CTCF: variants seen among roughly 807,000 people sequenced by gnomAD.
The protein encoded by CTCF is transcriptional repressor CTCF.
Under a neutral mutation model 72.3 loss-of-function variants are expected in CTCF, and 7 were observed. The ratio of observed to expected loss-of-function variants is 0.10; its 90% CI spans 0.06 to 0.18. CTCF has a LOEUF of 0.18. Among genes scored for constraint, CTCF ranks in the 10% least tolerant of loss-of-function variants. The pLI is 1.00. For missense variants in CTCF, 516 were observed against 949.1 expected, an observed-to-expected ratio of 0.54 and a Z score of 6.00; for synonymous variants, 374 against 315.8, an observed-to-expected ratio of 1.18 and a Z score of -1.95.
intron 10 of CTCF, among the ~76,000 whole-genome samples, chr16:67,631,150 G>GTTTTTT (rs1472086135): frequency 2.3e-5 from 3 of 132,534 alleles, no homozygotes; most frequent in Admixed American, 7.1e-5. Context: ...TTTGTTCTTT[G>GTTTTTT]TTTGTTTTTT....
At chr16:67,582,114 G>A (rs765897277) in intron 2 of CTCF, among the ~76,000 whole-genome samples, 2 of 152,106 alleles carry the variant, frequency 1.3e-5, no homozygotes, top group Non-Finnish European at 2.9e-5. Context: ...CAGCTACTGG[G>A]GAGGCTGAGG....
At chr16:67,608,982 CCACA>C (rs891267743) in intron 2 of CTCF, among the ~76,000 whole-genome samples, 1 of 152,156 alleles carries the variant, frequency 6.6e-6, no homozygotes, top group Non-Finnish European at 1.5e-5. Flanking sequence ...CTCAGGTGAT[CCACA>C]CACCTCAGCC....
chr16:67,608,758 C>T (rs1205917319), intron 2 of CTCF, among the ~76,000 whole-genome samples: 5 of 149,738 alleles, frequency 3.3e-5, no homozygotes, highest in South Asian at 2.1e-4. Context: ...TTTTTTGAGA[C>T]GGAGTTTCGT....
intron 4 of CTCF, chr16:67,612,345 A>G: frequency 5.4e-6 from 2 of 371,702 alleles, no homozygotes; most frequent in East Asian, 1.0e-4. Context: ...AAAAAAAAGA[A>G]GTCTCAGGCA....
intron 2 of CTCF, among the ~76,000 whole-genome samples, chr16:67,571,735 G>A (rs186601775): frequency 3.3e-5 from 5 of 152,252 alleles, no homozygotes; most frequent in Admixed American, 3.3e-4. Flanking sequence ...TGTTCTTGGG[G>A]AACCTGGTAT....
chr16:67,624,077 G>A lies in CTCF; in HGVS notation c.1358-2478G>A, dbSNP rs866455789. 3.8e-4 allele frequency among the ~76,000 whole-genome samples: 33 copies of A among 86,968 alleles called. 1 individual carries two copies. Among genetic ancestry groups the A allele is most frequent in the African/African-American group, 8.4e-4 (18 of 21,344 alleles). 57.1% of individuals were successfully genotyped at this position (86,968 alleles called of 152,430 possible). On this transcript the variant is annotated intron_variant, in intron 7 of 11. Transcript: ENST00000264010. Reference sequence around the variant, plus strand: ...AAAAAAAAAAAAATTATATATGTGTGTGTGTGTGTGTGTGTGTGTGTGTGT... The same window carrying A: ...AAAAAAAAAAAAATTATATATGTGTATGTGTGTGTGTGTGTGTGTGTGTGT...
At chr16:67,632,288 AG>A (rs1226595316) in intron 10 of CTCF, among the ~76,000 whole-genome samples, 1 of 152,158 alleles carries the variant, frequency 6.6e-6, no homozygotes, top group Non-Finnish European at 1.5e-5. Flanking sequence ...GTTCATCTCC[AG>A]GAAGACCAGC....
chr16:67,563,535 A>C (rs932200900), intron 1 of CTCF: 4 of 151,320 alleles, frequency 2.6e-5, no homozygotes, highest in African/African-American at 9.7e-5. Flanking sequence ...GCGCCCCCAA[A>C]CTCGCGCCCG....
At chr16:67,571,651 A>G (rs1346743623) in intron 2 of CTCF, among the ~76,000 whole-genome samples, 3 of 152,198 alleles carry the variant, frequency 2.0e-5, no homozygotes, top group East Asian at 3.8e-4. Context: ...TATTTTGACT[A>G]TTGGCAAATG....
intron 7 of CTCF, 78 bp from the exon 8 acceptor site, chr16:67,626,476 AT>A: frequency 1.0e-6 from 1 of 971,780 alleles, no homozygotes; most frequent in South Asian, 3.0e-5. Flanking sequence ...AAAAAAAAGA[AT>A]CGAGAAATGT....
In CTCF at chr16:67,612,328, C is replaced by G. The variant is rs1597714667; in HGVS notation, c.952+207C>G. The G allele has an allele frequency of 4.6e-5, 19 of 414,808 alleles. No individual in the cohort carries two copies. The South Asian group carries it at 7.9e-4, about 17-fold the overall frequency. The allele number at this position is 414,808 out of a possible 1,614,324, so 25.7% of individuals were successfully genotyped here. A position where few individuals can be genotyped will look rare whatever the true frequency, so the allele number is the denominator to read the frequency against. Reference sequence around the variant, plus strand: ...AAAATTTAATGAAAAATAACACCCTCTCTCTTAAAAAAAAGAAGTCTCAGG... The same window carrying G: ...AAAATTTAATGAAAAATAACACCCTGTCTCTTAAAAAAAAGAAGTCTCAGG... On this transcript the variant is annotated intron_variant, in intron 4 of 11. Transcript: ENST00000264010.
chr16:67,613,890 G>A (rs1227274860), intron 4 of CTCF, among the ~76,000 whole-genome samples: 10 of 152,272 alleles, frequency 6.6e-5, no homozygotes, highest in Admixed American at 5.9e-4. Context: ...AAGAGGTACA[G>A]TCTATCTGGT....
intron 2 of CTCF, among the ~76,000 whole-genome samples, chr16:67,604,610 G>T (rs59390502): frequency 0.042 from 6,377 of 151,964 alleles, 446 homozygotes; most frequent in African/African-American, 0.14. Context: ...CAAAGTGTTG[G>T]GATTACAGAC....
chr16:67,617,868 C>G (rs1295051217), intron 5 of CTCF, among the ~76,000 whole-genome samples: 4 of 152,054 alleles, frequency 2.6e-5, no homozygotes, highest in Admixed American at 2.6e-4. Flanking sequence ...AGCAAAAATT[C>G]TAAATGAAAT....
chr16:67,610,545 G>A (rs562564244), intron 2 of CTCF: 29 of 159,698 alleles, frequency 1.8e-4, no homozygotes, highest in Admixed American at 5.2e-4. Context: ...TAGTAGAGAC[G>A]GGGTTTCACC....
chr16:67,587,533 T>G (rs1294545619), intron 2 of CTCF, among the ~76,000 whole-genome samples: 3 of 151,916 alleles, frequency 2.0e-5, no homozygotes, highest in African/African-American at 7.3e-5. Context: ...CTGCAGGGTT[T>G]TTTTTTTTTC....
At chr16:67,624,143 GTGTATATA>G (rs1182592891) in intron 7 of CTCF, among the ~76,000 whole-genome samples, 2 of 145,986 alleles carry the variant, frequency 1.4e-5, no homozygotes, top group African/African-American at 5.1e-5. Flanking sequence ...ATGTGTGTGT[GTGTATATA>G]TGTGTGTATA....
chr16:67,624,071 A>ATGTGTGTGTGTGTGTGTGTGTG (rs58387336), intron 7 of CTCF, among the ~76,000 whole-genome samples: 3 of 117,582 alleles, frequency 2.6e-5, no homozygotes, highest in Admixed American at 9.7e-5. Flanking sequence ...AAAATTATAT[A>ATGTGTGTGTGTGTGTGTGTGTG]TGTGTGTGTG....
intron 1 of CTCF, among the ~76,000 whole-genome samples, chr16:67,565,036 T>A (rs1221065132): frequency 6.6e-6 from 1 of 152,082 alleles, no homozygotes; most frequent in African/African-American, 2.4e-5. Context: ...AGTCTCGTTC[T>A]GTCCCCTAGG....
Sources: allele counts gnomAD v4.1 joint callset (sites outside exome capture counted in the v4.1 genomes callset), GRCh38; gene constraint gnomAD v4.1.1; transcripts MANE v1.5; gene names NCBI Gene and HGNC (gene_info 2026-07-23, HGNC 2026-07-21).